Variants in ADGRG5 observed in about 807,000 individuals in gnomAD.
ADGRG5 encodes the protein G protein-coupled receptor 114.
Under a neutral mutation model 53.2 loss-of-function variants are expected in ADGRG5, and 37 were observed. The ratio of observed to expected loss-of-function variants is 0.70; its 90% CI spans 0.53 to 0.91. The LOEUF (loss-of-function observed/expected upper bound fraction) is 0.91. Ranked by LOEUF, ADGRG5 falls within the 40% of genes least tolerant of loss-of-function variation. The pLI is 0.00. For synonymous variants in ADGRG5, 277 were observed against 290.4 expected, an observed-to-expected ratio of 0.95 and a Z score of 0.47; for missense variants, 614 against 675.8, an observed-to-expected ratio of 0.91 and a Z score of 1.01.
the ADGRG5 span, chr16:57,529,115 C>T: frequency 4.2e-6 from 5 of 1,183,340 alleles, no homozygotes; most frequent in Non-Finnish European, 4.2e-6. The surrounding 1 kb of genome is among the most constrained non-coding windows in gnomAD (Gnocchi z 4.1). Flanking sequence ...CCAGGATGGT[C>T]AGGAGGCTGC....
chr16:57,553,575 T>G (rs959644353), intron 1 of ADGRG5, among the ~76,000 whole-genome samples: 4 of 152,250 alleles, frequency 2.6e-5, no homozygotes, highest in African/African-American at 7.2e-5. Context: ...CTGTCTTGAT[T>G]ATTGTAGCTT....
intron 6 of ADGRG5, 46 bp downstream of exon 6, chr16:57,565,196 G>A (rs773340508): frequency 1.8e-6 from 2 of 1,135,804 alleles, no homozygotes; most frequent in East Asian, 2.4e-5. Flanking sequence ...CTGCCCCTCT[G>A]TGACTCTCCT....
chr16:57,567,907 G>T lies in ADGRG5; in HGVS notation c.873G>T (p.Val291=). ...TRIHMNLHAS[V]LLLNIAFLLS... is the part of the protein sequence containing the mutation. Reference sequence around the variant, plus strand: ...TCCACATGAACCTGCATGCCTCCGTGCTGCTCCTGAACATCGCCTTCCTGC... The same window carrying T: ...TCCACATGAACCTGCATGCCTCCGTTCTGCTCCTGAACATCGCCTTCCTGC... The change falls in exon 9 of 12, where the codon GTG becomes GTT. Residue 291 remains valine (V), a synonymous_variant. Coordinates refer to ENST00000349457, the MANE Select transcript of ADGRG5 (RefSeq NM_001304376.3). 1.9e-6 allele frequency: 3 copies of T among 1,613,358 alleles called. No homozygotes were observed. Among genetic ancestry groups the T allele is most frequent in the Non-Finnish European group, 2.5e-6 (3 of 1,179,872 alleles).
At chr16:57,540,859 C>T (rs545122728), upstream of ADGRG5, among the ~76,000 whole-genome samples, 5 of 152,190 alleles carry the variant, frequency 3.3e-5, no homozygotes, top group Admixed American at 6.5e-5. Context: ...GGTGCGATCT[C>T]GGCTCACTGC....
chr16:57,571,018 G>A (rs2033338516), intron 10 of ADGRG5, among the ~76,000 whole-genome samples: 1 of 152,210 alleles, frequency 6.6e-6, no homozygotes, highest in Non-Finnish European at 1.5e-5. Flanking sequence ...GAGGCAGCGA[G>A]GTGGGCCTTT....
chr16:57,546,522 A>T (rs2032624682), intron 1 of ADGRG5, among the ~76,000 whole-genome samples: 1 of 152,264 alleles, frequency 6.6e-6, no homozygotes, highest in African/African-American at 2.4e-5. Context: ...GTACATATAT[A>T]AAACTATTAC....
chr16:57,533,344 A>T, the ADGRG5 span, among the ~76,000 whole-genome samples: 1 of 151,772 alleles, frequency 6.6e-6, no homozygotes, highest in African/African-American at 2.4e-5. Flanking sequence ...CCCCCAGCAC[A>T]CCAGGAATCC....
In ADGRG5 at chr16:57,545,324, G is replaced by A. The variant is rs1474039618; in HGVS notation, c.-39+2623G>A. ...GTGCATCCCAGTATCAATGCAAATG[G>A]ACTGGAGATTTCAATTTGAAAAATG... On this transcript the variant is annotated intron_variant, in intron 1 of 11. Transcript: ENST00000349457. 5.9e-5 allele frequency among the ~76,000 whole-genome samples: 9 copies of A among 152,284 alleles called. No individual in the cohort carries two copies. In the South Asian group the frequency reaches 1.9e-3, roughly 32 times the overall value.
At chr16:57,567,429 A>T (rs1338934787) in intron 7 of ADGRG5, 41 bp from the exon 8 acceptor site, 2 of 1,598,940 alleles carry the variant, frequency 1.3e-6, no homozygotes, top group Non-Finnish European at 1.7e-6. Flanking sequence ...AGGAAGGGCG[A>T]TACTATGCTT....
chr16:57,571,088 G>A (rs530872224), intron 10 of ADGRG5, among the ~76,000 whole-genome samples: 75 of 152,164 alleles, frequency 4.9e-4, no homozygotes, highest in African/African-American at 1.4e-3. Context: ...AGGCGAGGAC[G>A]TTAAGCTTTT....
intron 9 of ADGRG5, among the ~76,000 whole-genome samples, chr16:57,570,114 G>A (rs1168380808): frequency 6.6e-6 from 1 of 152,026 alleles, no homozygotes; most frequent in Non-Finnish European, 1.5e-5. Flanking sequence ...CCCCTTTCTT[G>A]CTTATTTCTA....
At chr16:57,536,307 G>A in the ADGRG5 span, among the ~76,000 whole-genome samples, 14 of 152,124 alleles carry the variant, frequency 9.2e-5, no homozygotes, top group Non-Finnish European at 2.1e-4. Context: ...GGTTCCGGGG[G>A]CTGAGGGAGG....
At chr16:57,536,316 G>A in the ADGRG5 span, among the ~76,000 whole-genome samples, 2 of 152,240 alleles carry the variant, frequency 1.3e-5, no homozygotes, top group East Asian at 1.9e-4. Context: ...GGCTGAGGGA[G>A]GCCGGGGAGG....
intron 3 of ADGRG5, chr16:57,562,722 G>T (rs2033033395): frequency 3.6e-6 from 2 of 552,742 alleles, no homozygotes; most frequent in Non-Finnish European, 6.5e-6. Flanking sequence ...TGGGAAGGGG[G>T]TCTAAGATTC....
chr16:57,561,786 T>C (rs533493562), intron 1 of ADGRG5, among the ~76,000 whole-genome samples: 1 of 152,294 alleles, frequency 6.6e-6, no homozygotes, highest in Non-Finnish European at 1.5e-5. Flanking sequence ...CCAGAAAGAC[T>C]GCTTTTTGGG....
chr16:57,574,967 A>G lies in ADGRG5; in HGVS notation c.1361A>G (p.His454Arg). Residue 454 changes from histidine (H) to arginine (R), a missense_variant, in exon 11 of 12, where the codon CAT (histidine) becomes CGT (arginine). By Grantham distance (29) the His-to-Arg change is conservative (BLOSUM62 0). Coordinates refer to ENST00000349457, the MANE Select transcript of ADGRG5 (RefSeq NM_001304376.3). This position sits in a 1 kb window ranked among gnomAD's most constrained non-coding sequence, Gnocchi z 4.4. ...RADAPSVRAC[H>R]DTVTVLGLTV... ...GATGCACCAAGTGTCAGGGCCTGCC[A>G]TGACACTGTCACTGTGCTGGGCCTC... is the stretch of plus-strand genomic sequence containing the variant. 1 of 1,613,854 alleles carries G rather than the reference A, an allele frequency of 6.2e-7. No homozygotes were observed. Among genetic ancestry groups the G allele is most frequent in the Non-Finnish European group, 8.5e-7 (1 of 1,180,020 alleles).
chr16:57,557,963 C>A (rs1425748419), intron 1 of ADGRG5, among the ~76,000 whole-genome samples: 13 of 152,182 alleles, frequency 8.5e-5, no homozygotes, highest in African/African-American at 2.7e-4. Flanking sequence ...TCTCTAAGAT[C>A]TGGTTCTGTA....
At position 57,574,779 on chromosome 16, in the gene ADGRG5, G is replaced by A; in HGVS notation, c.1209-36G>A. On this transcript the variant is annotated intron_variant, in intron 10 of 11. Coordinates refer to ENST00000349457, the MANE Select transcript of ADGRG5 (RefSeq NM_001304376.3). This position sits in a 1 kb window ranked among gnomAD's most constrained non-coding sequence, Gnocchi z 4.4. The stretch of plus-strand genomic sequence containing the variant: ...TGCTGGCCTCCCCGCGGGCCTGGGA[G>A]CCACTGTGAGCCTGACACGTCACCC... 6.5e-7 allele frequency: 1 copy of A among 1,530,990 alleles called. No individual in the cohort carries two copies. Among genetic ancestry groups the A allele is most frequent in the Non-Finnish European group, 8.8e-7 (1 of 1,139,284 alleles). The allele number at this position is 1,530,990 out of a possible 1,614,324, so 94.8% of individuals were successfully genotyped here.
chr16:57,554,608 C>A (rs1231835518), intron 1 of ADGRG5, among the ~76,000 whole-genome samples: 1 of 152,140 alleles, frequency 6.6e-6, no homozygotes, highest in Non-Finnish European at 1.5e-5. Flanking sequence ...AATCTCCTGA[C>A]TTTGTGATCC....
Sources: allele counts gnomAD v4.1 joint callset (sites outside exome capture counted in the v4.1 genomes callset), GRCh38; gene constraint gnomAD v4.1.1; non-coding constraint Gnocchi (gnomAD v3.1); transcripts MANE v1.5; gene names NCBI Gene and HGNC (gene_info 2026-07-23, HGNC 2026-07-21).